Variants in PDXDC1 observed in about 807,000 individuals in gnomAD.
The protein encoded by PDXDC1 is pyridoxal dependent decarboxylase domain containing 1.
Under a neutral mutation model 100.1 loss-of-function variants are expected in PDXDC1, and 42 were observed. The observed-to-expected ratio is 0.42, with a 90% CI of 0.33 to 0.54. The LOEUF (loss-of-function observed/expected upper bound fraction) is 0.54. PDXDC1 is among the 20% of genes least tolerant of loss of function. The probability of loss-of-function intolerance (pLI) is 0.10; values close to 1 mark genes in which losing one functional copy is unlikely to be tolerated. For missense variants in PDXDC1, 636 were observed against 979.2 expected (o/e 0.65, Z 4.68); for synonymous variants, 260 against 371.7 (o/e 0.70, Z 3.46).
intron 16 of PDXDC1, among the ~76,000 whole-genome samples, chr16:15,079,709 C>G (rs1444320170): frequency 6.6e-6 from 1 of 152,116 alleles, no homozygotes; most frequent in African/African-American, 2.4e-5. Flanking sequence ...TCTCCCACCT[C>G]AGCCTCCTGA....
At chr16:15,133,190 C>T in intron 16 of PDXDC1, 2 of 1,058,138 alleles carry the variant, frequency 1.9e-6, no homozygotes, top group Non-Finnish European at 2.8e-6. Context: ...CCGCAAAGCT[C>T]CAGGCAGGGG....
chr16:15,038,406 C>T, downstream of PDXDC1: 1 of 623,696 alleles, frequency 1.6e-6, no homozygotes, highest in Non-Finnish European at 2.8e-6. Context: ...TAGGACTTGA[C>T]ATATCCCCAT....
At chr16:15,000,489 T>C (rs2151349168) in intron 3 of PDXDC1, among the ~76,000 whole-genome samples, 1 of 152,382 alleles carries the variant, frequency 6.6e-6, no homozygotes, top group Non-Finnish European at 1.5e-5. Context: ...TTGGGGACAA[T>C]TGGTTTGGGG....
chr16:15,133,926 C>T (rs1343586286), intron 16 of PDXDC1: 21 of 1,454,914 alleles, frequency 1.4e-5, no homozygotes, highest in Non-Finnish European at 1.5e-5. Context: ...CTCGCCAGAG[C>T]GGCCCAGCAC....
intron 9 of PDXDC1, among the ~76,000 whole-genome samples, chr16:15,016,711 G>A (rs2041821598): frequency 6.6e-6 from 1 of 152,298 alleles, no homozygotes. Context: ...TCTGCTGGAA[G>A]AAATGGAGAT....
At chr16:15,148,054 T>C in the PDXDC1 span, among the ~76,000 whole-genome samples, 1 of 151,534 alleles carries the variant, frequency 6.6e-6, no homozygotes, top group Non-Finnish European at 1.5e-5. Context: ...AGTGGCACCA[T>C]CACAGCTAAC....
chr16:14,993,148 TTTTAAAATTATAC>T (rs1185410547), intron 1 of PDXDC1, among the ~76,000 whole-genome samples: 1 of 152,294 alleles, frequency 6.6e-6, no homozygotes, highest in African/African-American at 2.4e-5. Flanking sequence ...TTTTTTAATT[TTTTAAAATTATAC>T]TTTAATTTTT....
At chr16:14,977,752 C>T (rs1967027319) in intron 1 of PDXDC1, among the ~76,000 whole-genome samples, 1 of 152,260 alleles carries the variant, frequency 6.6e-6, no homozygotes, top group Non-Finnish European at 1.5e-5. Context: ...GTTCATTATT[C>T]CTGTTTCTTT....
intron 16 of PDXDC1, chr16:15,073,223 TGGGA>T: frequency 1.1e-6 from 1 of 921,188 alleles, no homozygotes; most frequent in Non-Finnish European, 1.6e-6. Context: ...CCCAGCACTT[TGGGA>T]GGCCAAAGTG....
chr16:15,060,165 A>G (rs957921553), intron 16 of PDXDC1: 1 of 424,634 alleles, frequency 2.4e-6, no homozygotes, highest in Non-Finnish European at 4.7e-6. Context: ...ATGTCTTTCT[A>G]CATTAAAACT....
rs759702160 is a variant in PDXDC1, at chr16:15,034,342, G to A, written c.1869G>A (p.Glu623=). 8 of 1,613,384 alleles carry A rather than the reference G, an allele frequency of 5.0e-6. No individual in the cohort carries two copies. The Admixed American group carries it at 5.0e-5, about 10-fold the overall frequency. ...VRKGIQEAQV[E]LQKASEERLL... is the part of the protein sequence containing the mutation. ...AAGGCATTCAGGAAGCTCAAGTGGA[G>A]CTGCAGAAGGCAAGTGAAGAACGGC... The change falls in exon 20 of 23, where the codon GAG becomes GAA. Residue 623 remains glutamate, a synonymous_variant. Transcript: ENST00000396410.
chr16:15,066,342 AAC>A (rs2151764256), intron 16 of PDXDC1, among the ~76,000 whole-genome samples: 1 of 152,292 alleles, frequency 6.6e-6, no homozygotes, highest in South Asian at 2.1e-4. Context: ...CTAAAACACT[AAC>A]ACAGCCGGCT....
At chr16:15,128,161 G>T (rs2047850653) in intron 16 of PDXDC1, 1 of 1,610,214 alleles carries the variant, frequency 6.2e-7, no homozygotes, top group Non-Finnish European at 8.5e-7. Flanking sequence ...AGGGAGGTCA[G>T]GCTCGCAGGG....
At chr16:15,135,173 G>C (rs1270027814) in intron 16 of PDXDC1, 4 of 862,912 alleles carry the variant, frequency 4.6e-6, no homozygotes, top group East Asian at 2.7e-5. Flanking sequence ...CAGAAACAGA[G>C]AGGGAAGAGC....
rs28617615 is a variant in PDXDC1 at position 15,069,886 on chromosome 16, C to G, written c.1399+39830C>G. Among the ~76,000 whole-genome samples, 1,436 of 152,240 alleles carry G rather than the reference C, an allele frequency of 9.4e-3. 26 individuals are homozygous for G. The highest frequency in any genetic ancestry group is 0.032 in the African/African-American group (1,348 of 41,518). On this transcript the variant is annotated intron_variant, in intron 16 of 16. Transcript: ENST00000535621. ...AAGGGGTTTGTAGGGTTCTCAAGCT[C>G]AAATCTATCTTAAGGGGTTTGTAGG... is the stretch of plus-strand genomic sequence containing the variant.
In PDXDC1 at chr16:15,038,268, T is replaced by TAAAG; in HGVS notation, c.*1995_*1998dup. On this transcript the variant is annotated 3_prime_UTR_variant, in exon 23 of 23. Transcript: ENST00000396410. ...CCAACCTTACTGTCCCCTGCTGTGA[T>TAAAG]AAAGATGTCAAAGTATCTTTGTTCT... The TAAAG allele has an allele frequency of 8.3e-7, 1 of 1,206,588 alleles. No individual in the cohort carries two copies. The highest frequency in any genetic ancestry group is 1.2e-6 in the Non-Finnish European group (1 of 838,562). 74.7% of individuals were successfully genotyped at this position (1,206,588 alleles called of 1,614,324 possible).
chr16:15,041,796 C>T, downstream of PDXDC1: 1 of 743,560 alleles, frequency 1.3e-6, no homozygotes, highest in Admixed American at 1.8e-5. Context: ...CGCCCTACAG[C>T]CCGCGCCCAC....
At chr16:15,143,262 C>T (rs1225726783), downstream of PDXDC1, among the ~76,000 whole-genome samples, 4 of 152,104 alleles carry the variant, frequency 2.6e-5, no homozygotes, top group Non-Finnish European at 5.9e-5. Flanking sequence ...TGTGTGGCCA[C>T]AGTACGGGTC....
At chr16:15,026,382 T>G (rs1367972323) in intron 13 of PDXDC1, 1 of 529,098 alleles carries the variant, frequency 1.9e-6, no homozygotes, top group African/African-American at 1.9e-5. Context: ...CTTATTAAAA[T>G]TTCCCCCTGC....
Sources: gnomAD v4.1 joint callset for allele counts (sites outside exome capture counted in the v4.1 genomes callset) on GRCh38, gnomAD v4.1.1 for gene constraint, MANE v1.5 for transcripts, NCBI Gene and HGNC (gene_info 2026-07-23, HGNC 2026-07-21) for gene names.